PKHD1: variants seen among roughly 807,000 people sequenced by gnomAD.
PKHD1 encodes the protein PKHD1 ciliary IPT domain containing fibrocystin/polyductin.
A neutral mutation model predicts 412.0 loss-of-function variants in PKHD1; 291 were observed. The observed-to-expected ratio is 0.71, with a 90% confidence interval of 0.64 to 0.78. The LOEUF is 0.78. Among genes scored for constraint, PKHD1 ranks in the 30% least tolerant of loss-of-function variants. PKHD1 has a pLI of 0.00. For missense variants in PKHD1, 4,825 were observed against 4,950.7 expected, an observed-to-expected ratio of 0.97 and a Z score of 0.76; for synonymous variants, 1,777 against 1,821.5, an observed-to-expected ratio of 0.98 and a Z score of 0.62.
At chr6:51,781,325 T>C (rs963982867) in intron 53 of PKHD1, among the ~76,000 whole-genome samples, 4 of 152,144 alleles carry the variant, frequency 2.6e-5, no homozygotes, top group Non-Finnish European at 5.9e-5. Context: ...TCCAGTAAGA[T>C]AAAAATTGGT....
chr6:51,990,658 C>T (rs1209895097), intron 35 of PKHD1, among the ~76,000 whole-genome samples: 1 of 152,180 alleles, frequency 6.6e-6, no homozygotes, highest in Non-Finnish European at 1.5e-5. Context: ...TCTTATTTCA[C>T]TGGATATGAG....
In PKHD1 at chr6:52,054,140, A is replaced by T. The variant is rs1581981925; in HGVS notation, c.1862T>A (p.Met621Lys). Reference sequence around the variant, plus strand: ...CACAATCATCTTCAGGATCTTGTTCATGTGGCCTTTGTATGCAAGACACAG... The same window carrying T: ...CACAATCATCTTCAGGATCTTGTTCTTGTGGCCTTTGTATGCAAGACACAG... Reference protein sequence around the residue: ...THLCLAYKGHMNKILKMIVSF... With the variant: ...THLCLAYKGHKNKILKMIVSF... The change falls in exon 20 of 67, where the codon ATG (methionine) becomes AAG (lysine). Residue 621 changes from methionine (M) to lysine (K), a missense_variant. By Grantham distance (95) the Met-to-Lys change is moderately conservative. Coordinates refer to ENST00000371117, the MANE Select transcript of PKHD1 (RefSeq NM_138694.4). 1.9e-6 allele frequency: 3 copies of T among 1,613,866 alleles called. No individual in the cohort carries two copies. In the African/African-American group the frequency reaches 4.0e-5, roughly 22 times the overall value.
chr6:51,896,354 C>A (rs1459913121), intron 43 of PKHD1, among the ~76,000 whole-genome samples: 3 of 152,072 alleles, frequency 2.0e-5, no homozygotes, highest in Non-Finnish European at 4.4e-5. Flanking sequence ...GGGTCCCTGA[C>A]CCCTGACCCC....
intron 53 of PKHD1, among the ~76,000 whole-genome samples, chr6:51,790,554 T>C (rs1215919911): frequency 1.3e-5 from 2 of 152,150 alleles, no homozygotes; most frequent in African/African-American, 4.8e-5. Context: ...TGGCATGGAA[T>C]GGGCCAGGTG....
chr6:51,697,127 G>A lies in PKHD1; in HGVS notation c.10157-37158C>T, dbSNP rs1344341571. On this transcript the variant is annotated intron_variant, in intron 60 of 66. Coordinates refer to ENST00000371117, the MANE Select transcript of PKHD1 (RefSeq NM_138694.4). ...TCGCTGAGGCAGAGGTTGCAGTGAC[G>A]TGAGATCGTACCACTGCACTCCAGC... Among the ~76,000 whole-genome samples, 7 of 152,122 alleles carry A rather than the reference G, an allele frequency of 4.6e-5. No individual in the cohort carries two copies. The East Asian group carries it at 5.8e-4, about 13-fold the overall frequency.
chr6:51,810,222 G>A (rs892825760), intron 52 of PKHD1, among the ~76,000 whole-genome samples: 2 of 151,914 alleles, frequency 1.3e-5, no homozygotes, highest in East Asian at 1.9e-4. Flanking sequence ...AAATTCACTC[G>A]ATACTACCAT....
intron 35 of PKHD1, among the ~76,000 whole-genome samples, chr6:51,982,880 T>TA (rs777201105): frequency 0.38 from 51,296 of 135,762 alleles, 10,005 homozygotes; most frequent in Admixed American, 0.5. Flanking sequence ...TAAAATAAAA[T>TA]AAAATAAAAT....
At chr6:51,728,689 C>T (rs1782879849) in intron 60 of PKHD1, among the ~76,000 whole-genome samples, 1 of 152,158 alleles carries the variant, frequency 6.6e-6, no homozygotes, top group African/African-American at 2.4e-5. Context: ...AGATCTGAAG[C>T]AGAGAAAATA....
intron 52 of PKHD1, among the ~76,000 whole-genome samples, chr6:51,794,244 T>C (rs1794225754): frequency 6.6e-6 from 1 of 152,156 alleles, no homozygotes; most frequent in Non-Finnish European, 1.5e-5. Context: ...TGAGATGATA[T>C]CTCATTATGG....
At chr6:51,681,721 G>A (rs368850584) in intron 60 of PKHD1, among the ~76,000 whole-genome samples, 4 of 152,042 alleles carry the variant, frequency 2.6e-5, no homozygotes, top group East Asian at 1.9e-4. Flanking sequence ...AAGAGGTGGT[G>A]AACTACAAGC....
Position 52,033,057 on chromosome 6 carries a change from G to GC in PKHD1, c.3336_3337insG (p.Leu1113AlafsTer12). On this transcript the variant is annotated frameshift_variant, in exon 29 of 67. Transcript: ENST00000371117. LOFTEE classifies it high-confidence loss of function. ...GCTATATTGCTTATGTTTCTGCTCA[G>GC]AGTCACAATAACTGGATTTAAGGAA... The GC allele has an allele frequency of 6.2e-7, 1 of 1,612,418 alleles. No homozygotes were observed. Among genetic ancestry groups the GC allele is most frequent in the Non-Finnish European group, 8.5e-7 (1 of 1,178,580 alleles).
At position 51,775,769 on chromosome 6, in the gene PKHD1, T is replaced by C. The variant is rs766798360; in HGVS notation, c.8554+39A>G. ...GACACAAGCACACAATACACACACA[T>C]GCATTTTATTTTTAATAAAAACTAT... On this transcript the variant is annotated intron_variant, in intron 54 of 66. Coordinates refer to ENST00000371117, the MANE Select transcript of PKHD1 (RefSeq NM_138694.4). 25 of 928,014 alleles carry C rather than the reference T, an allele frequency of 2.7e-5. 1 individual carries two copies. In the South Asian group the frequency reaches 2.9e-4, roughly 11 times the overall value. The allele number at this position is 928,014 out of a possible 1,614,324, so 57.5% of individuals were successfully genotyped here.
chr6:51,899,482 ACT>A (rs1407807763), intron 43 of PKHD1, among the ~76,000 whole-genome samples: 1 of 151,762 alleles, frequency 6.6e-6, no homozygotes, highest in African/African-American at 2.4e-5. Context: ...CATGCTAAAA[ACT>A]CTCAATAAAT....
chr6:51,742,022 G>T (rs1023419512), intron 60 of PKHD1, among the ~76,000 whole-genome samples: 23 of 152,114 alleles, frequency 1.5e-4, no homozygotes, highest in African/African-American at 5.3e-4. Flanking sequence ...CTGTAATGGT[G>T]GAATAATTCT....
intron 60 of PKHD1, among the ~76,000 whole-genome samples, chr6:51,684,185 T>C (rs552573809): frequency 2.0e-5 from 3 of 152,216 alleles, no homozygotes; most frequent in African/African-American, 7.2e-5. Context: ...GTTGAACTTG[T>C]AGCTGTACTT....
rs76024039 is a variant in PKHD1, at chr6:51,683,274, G to A, written c.10157-23305C>T. ...GGTGAGCAAATTTTAAGGACAATTC[G>A]GGATCCAATTTTGAGTCAGAAAACA... On this transcript the variant is annotated intron_variant, in intron 60 of 66. Coordinates refer to ENST00000371117, the MANE Select transcript of PKHD1 (RefSeq NM_138694.4). 4.9e-4 allele frequency among the ~76,000 whole-genome samples: 74 copies of A among 151,930 alleles called. No individual in the cohort carries two copies. The East Asian group carries it at 7.7e-3, about 16-fold the overall frequency.
Position 51,977,633 on chromosome 6 carries a change from C to T in PKHD1, c.5752-17607G>A, listed in dbSNP as rs576884114. ...GTAGTCCTTACCCCACACTGCCTTA[C>T]GAAGTTTAGTATATTGTAGTATTTT... On this transcript the variant is annotated intron_variant, in intron 35 of 66. Coordinates refer to ENST00000371117, the MANE Select transcript of PKHD1 (RefSeq NM_138694.4). Among the ~76,000 whole-genome samples, 23 of 152,310 alleles carry T rather than the reference C, an allele frequency of 1.5e-4. No homozygotes were observed. The South Asian group carries it at 2.3e-3, about 15-fold the overall frequency.
At chr6:51,725,044 T>C (rs1782401892) in intron 60 of PKHD1, among the ~76,000 whole-genome samples, 1 of 152,180 alleles carries the variant, frequency 6.6e-6, no homozygotes, top group African/African-American at 2.4e-5. Flanking sequence ...ATCTTCTTGG[T>C]TGGAGCTTTT....
chr6:51,750,942 A>C (rs1253729431), intron 57 of PKHD1, among the ~76,000 whole-genome samples: 1 of 151,898 alleles, frequency 6.6e-6, no homozygotes, highest in African/African-American at 2.4e-5. Context: ...ATGCTTGGCT[A>C]ATTTTTATAT....
Sources: allele counts gnomAD v4.1 joint callset (sites outside exome capture counted in the v4.1 genomes callset), GRCh38; gene constraint gnomAD v4.1.1; transcripts MANE v1.5; gene names NCBI Gene and HGNC (gene_info 2026-07-23, HGNC 2026-07-21).